XNDC1N: variants seen among roughly 807,000 people sequenced by gnomAD.
XNDC1N encodes XRCC1 N-terminal domain containing 1, N-terminal like.
chr11:71,870,413 G>T, the XNDC1N span, among the ~76,000 whole-genome samples: 1 of 152,312 alleles, frequency 6.6e-6, no homozygotes, highest in East Asian at 1.9e-4. Flanking sequence ...TCCTGGCTTT[G>T]TTCTCTTGTC....
chr11:71,890,014 G>T, the XNDC1N span, among the ~76,000 whole-genome samples: 1 of 152,108 alleles, frequency 6.6e-6, no homozygotes, highest in Non-Finnish European at 1.5e-5. Context: ...AAAGGTATTG[G>T]GGATCACACG....
the XNDC1N span, among the ~76,000 whole-genome samples, chr11:71,921,740 C>T: frequency 4.6e-5 from 7 of 152,220 alleles, no homozygotes; most frequent in African/African-American, 1.7e-4. Context: ...CTGGTTAAAG[C>T]ACAAGTAGGG....
chr11:71,903,508 T>C, the XNDC1N span: 1 of 731,524 alleles, frequency 1.4e-6, no homozygotes, highest in Non-Finnish European at 2.5e-6. Context: ...TTTGCCATTT[T>C]TGGAGGCAGG....
the XNDC1N span, among the ~76,000 whole-genome samples, chr11:71,906,080 T>C: frequency 1.3e-5 from 2 of 151,764 alleles, no homozygotes; most frequent in Admixed American, 1.3e-4. Context: ...GTGACATTAG[T>C]AGTAGTACCC....
At chr11:71,903,571 T>A in the XNDC1N span, 2 of 675,770 alleles carry the variant, frequency 3.0e-6, no homozygotes, top group Non-Finnish European at 5.4e-6. Flanking sequence ...TGTAGCCATC[T>A]GTCACCCTCC....
the XNDC1N span, among the ~76,000 whole-genome samples, chr11:71,870,272 C>T: frequency 6.6e-6 from 1 of 152,078 alleles, no homozygotes; most frequent in Non-Finnish European, 1.5e-5. Flanking sequence ...TCTTTGACAC[C>T]TTTGATGGTT....
At chr11:71,900,404 G>T in the XNDC1N span, among the ~76,000 whole-genome samples, 1 of 151,990 alleles carries the variant, frequency 6.6e-6, no homozygotes, top group African/African-American at 2.4e-5. Flanking sequence ...AGGGAGGGTC[G>T]GGAGCCTTGT....
the XNDC1N span, among the ~76,000 whole-genome samples, chr11:71,920,050 C>T: frequency 2.8e-5 from 4 of 144,874 alleles, no homozygotes; most frequent in Middle Eastern, 7.2e-3. Flanking sequence ...CTCCGCCTCC[C>T]GGGTTCATGC....
At chr11:71,895,517 G>A in the XNDC1N span, among the ~76,000 whole-genome samples, 2,253 of 117,568 alleles carry the variant, frequency 0.019, no homozygotes, top group Middle Eastern at 0.067. Context: ...AATAGAGACA[G>A]TGTTTCTCCA....
At chr11:71,877,879 A>C in the XNDC1N span, among the ~76,000 whole-genome samples, 1 of 152,226 alleles carries the variant, frequency 6.6e-6, no homozygotes, top group African/African-American at 2.4e-5. Context: ...CTCATATTAC[A>C]TATAACTGAT....
chr11:71,912,487 C>A, the XNDC1N span, among the ~76,000 whole-genome samples: 1 of 152,140 alleles, frequency 6.6e-6, no homozygotes, highest in African/African-American at 2.4e-5. Flanking sequence ...TAATATCATT[C>A]TTTTCCTTTC....
At chr11:71,917,613 C>G in the XNDC1N span, 1 of 703,684 alleles carries the variant, frequency 1.4e-6, no homozygotes, top group Non-Finnish European at 2.6e-6. Context: ...TGCTTTTGCC[C>G]TCTTTACCAT....
the XNDC1N span, chr11:71,865,617 T>C: frequency 5.5e-6 from 1 of 181,614 alleles, no homozygotes; most frequent in African/African-American, 2.4e-5. Flanking sequence ...TAATTTCTAA[T>C]TCTGATTGTT....
the XNDC1N span, among the ~76,000 whole-genome samples, chr11:71,906,256 T>C: frequency 4.0e-5 from 6 of 151,700 alleles, no homozygotes; most frequent in Non-Finnish European, 7.4e-5. Flanking sequence ...TGTTATCTTC[T>C]GTGACATTAG....
At chr11:71,875,215 G>A in the XNDC1N span, among the ~76,000 whole-genome samples, 1 of 151,686 alleles carries the variant, frequency 6.6e-6, no homozygotes, top group Non-Finnish European at 1.5e-5. Context: ...AAATAGTATA[G>A]GAAAATATTT....
At chr11:71,888,325 T>A in the XNDC1N span, among the ~76,000 whole-genome samples, 1 of 152,104 alleles carries the variant, frequency 6.6e-6, no homozygotes, top group African/African-American at 2.4e-5. Flanking sequence ...GGTGAGAGAA[T>A]TCTTAGGAGC....
the XNDC1N span, chr11:71,865,905 T>C: frequency 2.3e-6 from 1 of 431,386 alleles, no homozygotes. Context: ...TCTCTACACA[T>C]TACTAAAAGT....
At chr11:71,896,720 C>G in the XNDC1N span, among the ~76,000 whole-genome samples, 6 of 152,360 alleles carry the variant, frequency 3.9e-5, no homozygotes, top group South Asian at 8.3e-4. Flanking sequence ...TGCGCCAGCA[C>G]GCCCAGCTAA....
At chr11:71,928,154 G>T in the XNDC1N span, 2 of 394,150 alleles carry the variant, frequency 5.1e-6, no homozygotes, top group Admixed American at 4.1e-5. Context: ...GTGCCGAGGT[G>T]TGTGAACTGG....
Sources: gnomAD v4.1 joint callset for allele counts (sites outside exome capture counted in the v4.1 genomes callset) on GRCh38, gnomAD v4.1.1 for gene constraint, MANE v1.5 for transcripts, NCBI Gene and HGNC (gene_info 2026-07-23, HGNC 2026-07-21) for gene names.